DCP2: variants seen among roughly 807,000 people sequenced by gnomAD.
DCP2 encodes the protein decapping mRNA 2, also known as m7GpppN-mRNA hydrolase.
In DCP2, 30 loss-of-function variants were observed where a neutral mutation model predicts 56.1. The observed-to-expected ratio is 0.53, with a 90% CI of 0.40 to 0.73. The LOEUF (loss-of-function observed/expected upper bound fraction) is 0.73, where lower values mean the gene tolerates loss of function less well. Among genes scored for constraint, DCP2 ranks in the 30% least tolerant of loss-of-function variants. The pLI is 0.00. For missense variants in DCP2, 533 were observed against 502.7 expected (o/e 1.06, Z -0.58); for synonymous variants, 197 against 163.3 (o/e 1.21, Z -1.57).
intron 4 of DCP2, among the ~76,000 whole-genome samples, chr5:112,996,712 C>G (rs1479561230): frequency 6.6e-6 from 1 of 151,758 alleles, no homozygotes; most frequent in Non-Finnish European, 1.5e-5. Flanking sequence ...TTTAGCAGAC[C>G]TTTTTTTTGG....
intron 2 of DCP2, among the ~76,000 whole-genome samples, chr5:112,991,343 G>T (rs564593090): frequency 6.6e-6 from 1 of 152,168 alleles, no homozygotes; most frequent in African/African-American, 2.4e-5. Flanking sequence ...ATAGTGATGG[G>T]GCATTCGATA....
At chr5:113,000,084 A>G (rs1220414365) in intron 4 of DCP2, among the ~76,000 whole-genome samples, 3 of 138,920 alleles carry the variant, frequency 2.2e-5, no homozygotes, top group Admixed American at 7.1e-5. Context: ...AAAAAAAAAG[A>G]AGAAGAAAAA....
chr5:113,007,170 A>G (rs992392853), intron 8 of DCP2, among the ~76,000 whole-genome samples: 34 of 152,154 alleles, frequency 2.2e-4, no homozygotes, highest in African/African-American at 6.8e-4. Flanking sequence ...TTGTAAAAAT[A>G]TAGTAAAAAC....
rs1554101219 is a variant in DCP2 at position 113,005,155 on chromosome 5, T to TGTGG, written c.942+1081_942+1082insGGTG. The stretch of plus-strand genomic sequence containing the variant: ...AAAAAAAAAAGTGTGCGTGTGGGTG[T>TGTGG]GTGTGTGTGTGTGTAAACTGGGCTT... On this transcript the variant is annotated intron_variant, in intron 8 of 10. Coordinates refer to ENST00000389063, the MANE Select transcript of DCP2 (RefSeq NM_152624.6). 2.7e-5 allele frequency among the ~76,000 whole-genome samples: 4 copies of TGTGG among 150,158 alleles called. No individual in the cohort carries two copies. The South Asian group carries it at 8.4e-4, about 31-fold the overall frequency.
At chr5:112,999,954 A>C (rs1404875133) in intron 4 of DCP2, among the ~76,000 whole-genome samples, 3 of 149,624 alleles carry the variant, frequency 2.0e-5, no homozygotes, top group Non-Finnish European at 4.4e-5. Context: ...CCAGCTGCTC[A>C]GGAGGCTGAG....
chr5:112,995,955 A>G (rs1446666886), intron 4 of DCP2, among the ~76,000 whole-genome samples: 1 of 152,198 alleles, frequency 6.6e-6, no homozygotes, highest in Non-Finnish European at 1.5e-5. Context: ...TCTTGTGTAC[A>G]TGCAGAGAGA....
At chr5:113,005,804 G>A (rs535564666) in intron 8 of DCP2, among the ~76,000 whole-genome samples, 65 of 152,290 alleles carry the variant, frequency 4.3e-4, no homozygotes, top group African/African-American at 1.5e-3. Flanking sequence ...TACACATAAT[G>A]GAATATCATT....
intron 9 of DCP2, among the ~76,000 whole-genome samples, chr5:113,010,335 T>C (rs1441546025): frequency 6.6e-6 from 1 of 151,848 alleles, no homozygotes; most frequent in Non-Finnish European, 1.5e-5. Flanking sequence ...TGTGAGCCAC[T>C]GTCTCTGGCC....
At chr5:113,010,668 A>G (rs577088385) in intron 9 of DCP2, 88 bp from the exon 10 acceptor site, 1 of 1,359,238 alleles carries the variant, frequency 7.4e-7, no homozygotes, top group Admixed American at 2.8e-5. Flanking sequence ...GAGAAATTTG[A>G]TAATACATCT....
chr5:113,004,729 A>G (rs953391167), intron 8 of DCP2, among the ~76,000 whole-genome samples: 2 of 152,202 alleles, frequency 1.3e-5, no homozygotes, highest in African/African-American at 4.8e-5. Context: ...TATCCTCAGC[A>G]AAATACATGA....
At position 113,017,491 on chromosome 5, in the gene DCP2, G is replaced by C. The variant is rs1749937121; in HGVS notation, c.*4007G>C. On this transcript the variant is annotated 3_prime_UTR_variant, in exon 11 of 11. Transcript: ENST00000389063. ...TGCCAAAAGTTCTAAAAATGAGATGGTGGGCTTTCTCAGCATCTTTTTGCT... is the reference window on the plus strand; with the variant it reads ...TGCCAAAAGTTCTAAAAATGAGATGCTGGGCTTTCTCAGCATCTTTTTGCT... The C allele has an allele frequency of 1.3e-5, 2 of 152,122 alleles. No individual in the cohort carries two copies. Among genetic ancestry groups the C allele is most frequent in the African/African-American group, 4.8e-5 (2 of 41,420 alleles). The allele number at this position is 152,122 out of a possible 1,614,324, so 9.4% of individuals were successfully genotyped here.
intron 1 of DCP2, among the ~76,000 whole-genome samples, chr5:112,983,678 T>G (rs748681171): frequency 1.3e-5 from 2 of 152,058 alleles, no homozygotes; most frequent in Non-Finnish European, 2.9e-5. Flanking sequence ...AAGGAAGATA[T>G]TAGAAGCATC....
In DCP2 at chr5:113,020,318, A is replaced by T. The variant is rs1439733707; in HGVS notation, c.*6834A>T. On this transcript the variant is annotated 3_prime_UTR_variant, in exon 11 of 11. Transcript: ENST00000389063. ...TCAACCTTTAATTTTTGCCTAGATT[A>T]TAGCAATGTTTTGTTTTACCTTATA... 2 of 152,118 alleles carry T rather than the reference A, an allele frequency of 1.3e-5. No homozygotes were observed. The highest frequency in any genetic ancestry group is 1.9e-4 in the East Asian group (1 of 5,196). The allele number at this position is 152,118 out of a possible 1,614,324, so 9.4% of individuals were successfully genotyped here.
At chr5:112,986,052 T>C (rs772921195) in intron 2 of DCP2, 66 bp downstream of exon 2, 427 of 1,430,980 alleles carry the variant, frequency 3.0e-4, no homozygotes, top group Non-Finnish European at 3.9e-4. Context: ...CAAATTTCTT[T>C]TTGCTTGCCT....
rs533960153 is a variant in DCP2, at chr5:112,976,892, G to A, written c.-42G>A. The stretch of plus-strand genomic sequence containing the variant: ...AGTGCCGTACCGTCAGTCCCCGGCC[G>A]CGCGGAGCCGGGATGCACTGTTCCT... On this transcript the variant is annotated 5_prime_UTR_variant, in exon 1 of 11. Transcript: ENST00000389063. 1 of 1,605,594 alleles carries A rather than the reference G, an allele frequency of 6.2e-7. No homozygotes were observed. Among genetic ancestry groups the A allele is most frequent in the South Asian group, 1.1e-5 (1 of 90,926 alleles).
At chr5:113,009,448 G>T (rs903118916) in intron 9 of DCP2, among the ~76,000 whole-genome samples, 25 of 152,182 alleles carry the variant, frequency 1.6e-4, no homozygotes, top group African/African-American at 6.0e-4. Context: ...ACATTTCTCC[G>T]ATCAGATTGG....
Position 113,014,062 on chromosome 5 carries a change from G to T in DCP2, c.*578G>T, listed in dbSNP as rs144432133. On this transcript the variant is annotated 3_prime_UTR_variant, in exon 11 of 11. Coordinates refer to ENST00000389063, the MANE Select transcript of DCP2 (RefSeq NM_152624.6). ...TTGAGCAGCTTCTGGAATATAATGT[G>T]CATGTCCAAAATGAACTCAGCGCTT... The T allele has an allele frequency of 3.3e-5, 5 of 152,254 alleles. No individual in the cohort carries two copies. The highest frequency in any genetic ancestry group is 9.7e-5 in the African/African-American group (4 of 41,442). The allele number at this position is 152,254 out of a possible 1,614,324, so 9.4% of individuals were successfully genotyped here. A position where few individuals can be genotyped will look rare whatever the true frequency, so the allele number is the denominator to read the frequency against.
intron 1 of DCP2, among the ~76,000 whole-genome samples, chr5:112,979,914 G>A (rs1044692086): frequency 6.6e-6 from 1 of 152,166 alleles, no homozygotes; most frequent in Non-Finnish European, 1.5e-5. Context: ...GGGTGGGGAA[G>A]GGGTATATGT....
intron 10 of DCP2, among the ~76,000 whole-genome samples, chr5:113,012,013 T>C (rs7721666): frequency 0.65 from 99,036 of 152,076 alleles, 33,078 homozygotes; most frequent in East Asian, 0.75. Flanking sequence ...GGTATAAGTC[T>C]TCTTAATAGG....
Sources: allele counts gnomAD v4.1 joint callset (sites outside exome capture counted in the v4.1 genomes callset), GRCh38; gene constraint gnomAD v4.1.1; transcripts MANE v1.5; gene names NCBI Gene and HGNC (gene_info 2026-07-23, HGNC 2026-07-21).